The following PTPN9 variants were observed in gnomAD, a reference collection of about 807,000 sequenced individuals.
PTPN9 encodes tyrosine-protein phosphatase non-receptor type 9.
A neutral mutation model predicts 69.8 loss-of-function variants in PTPN9; 26 were observed. The ratio of observed to expected loss-of-function variants is 0.37; its 90% CI spans 0.27 to 0.52. The LOEUF (loss-of-function observed/expected upper bound fraction) is 0.52, where lower values mean the gene tolerates loss of function less well. PTPN9 is among the 20% of genes least tolerant of loss of function. PTPN9 has a pLI of 0.91. For synonymous variants in PTPN9, 274 were observed against 272.5 expected, an observed-to-expected ratio of 1.01 and a Z score of -0.05; for missense variants, 549 against 740.3, an observed-to-expected ratio of 0.74 and a Z score of 3.00.
intron 8 of PTPN9, among the ~76,000 whole-genome samples, chr15:75,481,309 G>A (rs2074632676): frequency 2.8e-5 from 2 of 71,046 alleles, no homozygotes; most frequent in African/African-American, 1.1e-4. Context: ...GAGCGTCTCC[G>A]CCGGGCAGCC....
intron 1 of PTPN9, among the ~76,000 whole-genome samples, chr15:75,563,154 T>C (rs546486585): frequency 6.6e-6 from 1 of 152,268 alleles, no homozygotes; most frequent in South Asian, 2.1e-4. Flanking sequence ...ACTTAATGTT[T>C]AGATTCCACT....
At chr15:75,530,799 ATAT>A (rs1229347494) in intron 1 of PTPN9, among the ~76,000 whole-genome samples, 2 of 92,376 alleles carry the variant, frequency 2.2e-5, no homozygotes, top group Non-Finnish European at 3.9e-5. Context: ...ATAATAGAAT[ATAT>A]TATAATATAT....
Position 75,506,447 on chromosome 15 carries a change from T to A in PTPN9, c.640-444A>T, listed in dbSNP as rs537475749. Among the ~76,000 whole-genome samples the A allele has an allele frequency of 2.0e-5, 3 of 152,258 alleles. No homozygotes were observed. In the South Asian group the frequency reaches 6.2e-4, roughly 32 times the overall value. ...ATTTTACTCAGCTTGGTATAACTGT[T>A]CACAAAGATAGGATTCTATGAAAGC... is the stretch of plus-strand genomic sequence containing the variant. On this transcript the variant is annotated intron_variant, in intron 6 of 12. Coordinates refer to ENST00000618819, the MANE Select transcript of PTPN9 (RefSeq NM_002833.4).
At chr15:75,480,485 C>T (rs971207846) in intron 8 of PTPN9, among the ~76,000 whole-genome samples, 1 of 149,826 alleles carries the variant, frequency 6.7e-6, no homozygotes, top group Non-Finnish European at 1.5e-5. Context: ...CAGAGGAGGT[C>T]GCGGCGCCGG....
At chr15:75,531,340 C>T (rs1046837598) in intron 1 of PTPN9, among the ~76,000 whole-genome samples, 1 of 152,120 alleles carries the variant, frequency 6.6e-6, no homozygotes, top group Non-Finnish European at 1.5e-5. Flanking sequence ...GAAGATCATT[C>T]TGGCCTGGAA....
intron 7 of PTPN9, among the ~76,000 whole-genome samples, chr15:75,504,823 C>T (rs2074807822): frequency 7.2e-6 from 1 of 138,868 alleles, no homozygotes; most frequent in African/African-American, 2.9e-5. Flanking sequence ...CCCGCCTGGC[C>T]AGCCGCCCCG....
At chr15:75,524,777 CAAAAAA>C (rs10699634) in intron 2 of PTPN9, among the ~76,000 whole-genome samples, 7 of 72,938 alleles carry the variant, frequency 9.6e-5, no homozygotes, top group African/African-American at 3.5e-4. Flanking sequence ...GACTCTGTCT[CAAAAAA>C]AAAAAAAAAA....
At chr15:75,578,609 G>A (rs1436643307) in intron 1 of PTPN9, 105 bp downstream of exon 1, 8 of 946,882 alleles carry the variant, frequency 8.4e-6, no homozygotes, top group African/African-American at 1.7e-5. Context: ...GGGAGCGGGG[G>A]GCTGCGGCCC....
intron 8 of PTPN9, chr15:75,487,328 C>CA (rs942861749): frequency 4.1e-5 from 6 of 144,676 alleles, no homozygotes; most frequent in East Asian, 3.9e-4. Flanking sequence ...TAAATAATGT[C>CA]AAAAAAACTA....
Position 75,523,141 on chromosome 15 carries a change from C to G in PTPN9, c.402G>C (p.Leu134Phe). 1 of 1,614,064 alleles carries G rather than the reference C, an allele frequency of 6.2e-7. No individual in the cohort carries two copies. The highest frequency in any genetic ancestry group is 8.5e-7 in the Non-Finnish European group (1 of 1,179,996). Residue 134 changes from leucine (L) to phenylalanine (F), a missense_variant, in exon 4 of 13, where the codon TTG (leucine) becomes TTC (phenylalanine). By Grantham distance (22) the Leu-to-Phe change is conservative (BLOSUM62 0). This residue lies in a region of PTPN9 where 457 missense variants were observed against 661.9 expected (regional missense o/e 0.69). Coordinates refer to ENST00000618819, the MANE Select transcript of PTPN9 (RefSeq NM_002833.4). ...QHVVLQALFYLLDRAVDSFET... is the reference protein window; with the variant it reads ...QHVVLQALFYFLDRAVDSFET... ...CTTACCTATCCACAGCTCTGTCTAG[C>G]AAGTAAAACAGAGCCTGAAGTACCA...
At chr15:75,530,068 G>A (rs1257184804) in intron 1 of PTPN9, among the ~76,000 whole-genome samples, 1 of 151,548 alleles carries the variant, frequency 6.6e-6, no homozygotes, top group Non-Finnish European at 1.5e-5. Flanking sequence ...TGGGCATGGT[G>A]GCATGCGCCT....
At chr15:75,563,664 G>A (rs1402312654) in intron 1 of PTPN9, among the ~76,000 whole-genome samples, 1 of 152,062 alleles carries the variant, frequency 6.6e-6, no homozygotes, top group African/African-American at 2.4e-5. Flanking sequence ...GATTCTATGT[G>A]TCAGCAAACA....
At chr15:75,474,481 T>C (rs1295606343) in intron 9 of PTPN9, among the ~76,000 whole-genome samples, 1 of 151,700 alleles carries the variant, frequency 6.6e-6, no homozygotes, top group Non-Finnish European at 1.5e-5. Context: ...AGCGCACCAC[T>C]GCACTCCAGC....
intron 8 of PTPN9, chr15:75,480,708 C>A: frequency 7.6e-7 from 1 of 1,317,146 alleles, no homozygotes; most frequent in South Asian, 1.5e-5. Flanking sequence ...CGCCGCCCCA[C>A]AGCCGGGAGG....
chr15:75,549,972 C>G (rs557620613), intron 1 of PTPN9, among the ~76,000 whole-genome samples: 27 of 151,920 alleles, frequency 1.8e-4, no homozygotes, highest in African/African-American at 6.5e-4. Context: ...AGACCCTTGT[C>G]TACCCCCACC....
Position 75,469,944 on chromosome 15 carries a change from C to A in PTPN9, c.1415G>T (p.Gly472Val). Residue 472 changes from glycine (G) to valine (V), a missense_variant, in exon 12 of 13, where the codon GGT becomes GTT. Coordinates refer to ENST00000618819, the MANE Select transcript of PTPN9 (RefSeq NM_002833.4). The part of the protein sequence containing the change: ...HFQFLSWPDY[G>V]VPSSAASLID... ...GAGGGAAGCTGCTGAGGAAGGGACA[C>A]CATAGTCTGGCCAGCTCAAGAACTG... is the stretch of plus-strand genomic sequence containing the variant. 1.2e-6 allele frequency: 2 copies of A among 1,614,134 alleles called. No homozygotes were observed. The highest frequency in any genetic ancestry group is 1.7e-6 in the Non-Finnish European group (2 of 1,179,976).
chr15:75,477,581 C>T lies in PTPN9; in HGVS notation c.1129+2267G>A, dbSNP rs139657899. Among the ~76,000 whole-genome samples the T allele has an allele frequency of 1.8e-3, 274 of 151,808 alleles. 13 individuals carry two copies. In the East Asian group the frequency reaches 0.027, roughly 15 times the overall value. On this transcript the variant is annotated intron_variant, in intron 9 of 12. Transcript: ENST00000618819. ...CTGCACTCCAGCCTGGGCGACAGAGCGAAACTCCATCTCAAAACTTAATTA... is the reference window on the plus strand; with the variant it reads ...CTGCACTCCAGCCTGGGCGACAGAGTGAAACTCCATCTCAAAACTTAATTA...
At chr15:75,484,522 T>A (rs770289046) in intron 8 of PTPN9, among the ~76,000 whole-genome samples, 1 of 152,240 alleles carries the variant, frequency 6.6e-6, no homozygotes, top group South Asian at 2.1e-4. Flanking sequence ...CACCTCCTAA[T>A]GTCCTCAGTC....
chr15:75,559,086 G>C (rs1390054772), intron 1 of PTPN9, among the ~76,000 whole-genome samples: 1 of 151,746 alleles, frequency 6.6e-6, no homozygotes, highest in Non-Finnish European at 1.5e-5. Flanking sequence ...GAAGTGAGGA[G>C]CGTCTCTGCC....
Sources: allele counts gnomAD v4.1 joint callset (sites outside exome capture counted in the v4.1 genomes callset), GRCh38; gene constraint gnomAD v4.1.1; regional missense constraint gnomAD v4.1.1; transcripts MANE v1.5; gene names NCBI Gene and HGNC (gene_info 2026-07-23, HGNC 2026-07-21).